The following SH3KBP1 variants were observed in gnomAD, a reference collection of about 807,000 sequenced individuals.
SH3KBP1 encodes the protein SH3 domain-containing kinase-binding protein 1.
Under a neutral mutation model 50.1 loss-of-function variants are expected in SH3KBP1, and 8 were observed. That is an observed-to-expected ratio of 0.16 (90% CI 0.09 to 0.29). The LOEUF (loss-of-function observed/expected upper bound fraction) is 0.29, where lower values mean the gene tolerates loss of function less well. Among genes scored for constraint, SH3KBP1 ranks in the 10% least tolerant of loss-of-function variants. The pLI is 1.00. For missense variants in SH3KBP1, 377 were observed against 535.2 expected (o/e 0.70, Z 2.92); for synonymous variants, 227 against 218.6 (o/e 1.04, Z -0.34).
chrX:19,626,089 C>G (rs763039969), intron 8 of SH3KBP1, among the ~76,000 whole-genome samples: 8 of 111,584 alleles, frequency 7.2e-5, no homozygotes, highest in Non-Finnish European at 1.5e-4. Context: ...ATGATGGTCC[C>G]GGGCTCTTGC....
intron 3 of SH3KBP1, among the ~76,000 whole-genome samples, chrX:19,735,755 GCTCA>G (rs2064547967): frequency 1.2e-5 from 1 of 81,278 alleles, no homozygotes; most frequent in African/African-American, 4.7e-5. Context: ...ACGGATTCTT[GCTCA>G]GTTGCCCAGG....
chrX:19,674,603 C>T (rs2062882543), intron 6 of SH3KBP1, among the ~76,000 whole-genome samples: 1 of 112,112 alleles, frequency 8.9e-6, no homozygotes, highest in African/African-American at 3.2e-5. Flanking sequence ...TACTGAGGGC[C>T]AACTATCATT....
rs1404125953 is a variant in SH3KBP1, at chrX:19,808,228, T to C, written c.162+27897A>G. Among the ~76,000 whole-genome samples the C allele has an allele frequency of 5.4e-5, 6 of 110,723 alleles. No individual in the cohort carries two copies. In the Admixed American group the frequency reaches 5.8e-4, roughly 11 times the overall value. ...ACACAGCGGGCCTGTGTCTTGAAGG[T>C]GTAGGCTTCACAACGTATTTGCCCT... is the stretch of plus-strand genomic sequence containing the variant. On this transcript the variant is annotated intron_variant, in intron 2 of 17. Transcript: ENST00000397821.
At chrX:19,542,420 CAG>C (rs1452489125) in intron 15 of SH3KBP1, among the ~76,000 whole-genome samples, 2 of 112,007 alleles carry the variant, frequency 1.8e-5, no homozygotes, top group African/African-American at 6.5e-5. Flanking sequence ...TCTTTCTGGA[CAG>C]AGAGTTTCCG....
At chrX:19,706,848 G>A (rs775933635) in intron 4 of SH3KBP1, 33 bp downstream of exon 4, 4 of 1,076,361 alleles carry the variant, frequency 3.7e-6, no homozygotes, top group South Asian at 1.9e-5. Flanking sequence ...CAGCCCATTC[G>A]AGGCCATTGC....
chrX:19,673,251 T>G, intron 6 of SH3KBP1, among the ~76,000 whole-genome samples: 1 of 111,040 alleles, frequency 9.0e-6, no homozygotes, highest in East Asian at 2.8e-4. Flanking sequence ...ACCTGCTGAA[T>G]GCAAAGGTAT....
chrX:19,720,519 G>A (rs754066454), intron 3 of SH3KBP1, among the ~76,000 whole-genome samples: 13 of 112,440 alleles, frequency 1.2e-4, no homozygotes, highest in Non-Finnish European at 1.9e-4. Context: ...AGTCATTCAA[G>A]TGAAATGAGA....
chrX:19,801,453 G>A (rs2066889081), intron 2 of SH3KBP1, among the ~76,000 whole-genome samples: 2 of 112,449 alleles, frequency 1.8e-5, no homozygotes, highest in African/African-American at 6.5e-5. Context: ...AGTGTGCTGG[G>A]AGGAACAGGC....
chrX:19,727,022 C>A (rs1391312994), intron 3 of SH3KBP1, among the ~76,000 whole-genome samples: 1 of 112,435 alleles, frequency 8.9e-6, no homozygotes, highest in Non-Finnish European at 1.9e-5. Context: ...GAAACACACA[C>A]AATGCAACTG....
At chrX:19,598,453 T>C (rs1212189945) in intron 9 of SH3KBP1, among the ~76,000 whole-genome samples, 1 of 111,253 alleles carries the variant, frequency 9.0e-6, no homozygotes, top group African/African-American at 3.3e-5. Context: ...TTAATTTCCT[T>C]CACAAATTTT....
At chrX:19,777,598 G>A (rs1326526883) in intron 2 of SH3KBP1, among the ~76,000 whole-genome samples, 3 of 111,490 alleles carry the variant, frequency 2.7e-5, no homozygotes, top group African/African-American at 9.8e-5. Context: ...GCATTCATTG[G>A]TGGAACAGGC....
At chrX:19,875,022 G>GC (rs765251073) in intron 1 of SH3KBP1, among the ~76,000 whole-genome samples, 10 of 110,638 alleles carry the variant, frequency 9.0e-5, no homozygotes, top group Non-Finnish European at 1.7e-4. Flanking sequence ...TAGGGCGAGA[G>GC]CCCCCTGCCC....
chrX:19,646,079 G>C (rs2061982029), intron 6 of SH3KBP1, among the ~76,000 whole-genome samples: 1 of 111,547 alleles, frequency 9.0e-6, no homozygotes, highest in African/African-American at 3.3e-5. Context: ...CTACCTGCCT[G>C]CCACAAAGGC....
At chrX:19,866,509 G>A (rs1034216504) in intron 1 of SH3KBP1, among the ~76,000 whole-genome samples, 1 of 109,623 alleles carries the variant, frequency 9.1e-6, no homozygotes, top group Non-Finnish European at 1.9e-5. Flanking sequence ...GCAACATAAC[G>A]AGACCTCCAT....
intron 6 of SH3KBP1, among the ~76,000 whole-genome samples, chrX:19,649,159 A>C (rs771676282): frequency 4.6e-4 from 51 of 111,544 alleles, no homozygotes; most frequent in Non-Finnish European, 8.3e-4. Flanking sequence ...GGCTTCCTCC[A>C]CAGTGTTCTT....
intron 6 of SH3KBP1, chrX:19,664,668 C>T (rs1390718877): frequency 2.7e-5 from 3 of 111,854 alleles, no homozygotes; most frequent in Non-Finnish European, 3.8e-5. Context: ...CAAGGTTGTC[C>T]ATGAATTACA....
At chrX:19,746,489 G>A (rs1360188529) in intron 2 of SH3KBP1, 48 bp from the exon 3 acceptor site, 3 of 1,132,271 alleles carry the variant, frequency 2.6e-6, no homozygotes, top group Middle Eastern at 2.5e-4. Context: ...TGAAACTTTA[G>A]AATGCCTCTT....
chrX:19,546,239 T>C (rs1569269931), intron 14 of SH3KBP1, among the ~76,000 whole-genome samples, 189 bp from the exon 15 acceptor site: 1 of 112,605 alleles, frequency 8.9e-6, no homozygotes, highest in East Asian at 2.8e-4. Context: ...GTGGCAGAAC[T>C]GCGACTAAGA....
At chrX:19,593,777 C>T (rs1009200272) in intron 10 of SH3KBP1, among the ~76,000 whole-genome samples, 10 of 111,750 alleles carry the variant, frequency 8.9e-5, no homozygotes, top group East Asian at 2.8e-4. Context: ...CTAATCTCCA[C>T]GGTCTCTGAT....
Sources: gnomAD v4.1 joint callset for allele counts (sites outside exome capture counted in the v4.1 genomes callset) on GRCh38, gnomAD v4.1.1 for gene constraint, MANE v1.5 for transcripts, NCBI Gene and HGNC (gene_info 2026-07-23, HGNC 2026-07-21) for gene names.